The following C13orf42 variants were observed in gnomAD, a reference collection of about 807,000 sequenced individuals.
C13orf42 encodes the protein chromosome 13 open reading frame 42, also known as uncharacterized protein C13orf42.
intron 1 of C13orf42, among the ~76,000 whole-genome samples, chr13:51,143,324 T>G (rs945319426): frequency 6.6e-6 from 1 of 152,206 alleles, no homozygotes; most frequent in Non-Finnish European, 1.5e-5. Flanking sequence ...AGGGCCCATT[T>G]TGAAAGATAA....
At chr13:51,112,516 G>A (rs1050836298), upstream of C13orf42, among the ~76,000 whole-genome samples, 11 of 152,164 alleles carry the variant, frequency 7.2e-5, no homozygotes, top group Non-Finnish European at 1.5e-4. Context: ...CATTATAAAT[G>A]TTTTCCTGTT....
Position 51,130,768 on chromosome 13 carries a change from A to G in C13orf42, n.137-17546T>C, listed in dbSNP as rs549913065. 2.0e-5 allele frequency among the ~76,000 whole-genome samples: 3 copies of G among 152,260 alleles called. No homozygotes were observed. The East Asian group carries it at 5.8e-4, about 29-fold the overall frequency. The stretch of plus-strand genomic sequence containing the variant: ...TTCACCAAAAGTAAAAGTCACTAAG[A>G]GTTAACATTGTAACATATAGTTAAG... On this transcript the variant is annotated intron_variant and non_coding_transcript_variant, in intron 1 of 4. Transcript: ENST00000433280.
chr13:51,097,264 ATAGT>A (rs1232925764), intron 1 of C13orf42, among the ~76,000 whole-genome samples: 1 of 152,254 alleles, frequency 6.6e-6, no homozygotes, highest in Admixed American at 6.5e-5. Context: ...CTGTAATACT[ATAGT>A]TAGAGATAGG....
At chr13:51,116,793 G>A (rs990272047) in intron 1 of C13orf42, among the ~76,000 whole-genome samples, 14 of 152,230 alleles carry the variant, frequency 9.2e-5, no homozygotes, top group Non-Finnish European at 2.1e-4. Flanking sequence ...ATGTGCCAGT[G>A]GCACTTATGT....
At chr13:51,092,633 T>C (rs777684728) in intron 1 of C13orf42, among the ~76,000 whole-genome samples, 9 of 152,036 alleles carry the variant, frequency 5.9e-5, no homozygotes, top group East Asian at 1.9e-4. Flanking sequence ...AAAGAAATTA[T>C]ATTTTATCAT....
intron 1 of C13orf42, among the ~76,000 whole-genome samples, chr13:51,131,904 T>C (rs1953619935): frequency 6.6e-6 from 1 of 152,216 alleles, no homozygotes. Flanking sequence ...GCCCTGCTTA[T>C]TCCTATGAAG....
At chr13:51,134,793 G>A (rs1365249840) in intron 1 of C13orf42, among the ~76,000 whole-genome samples, 10 of 152,156 alleles carry the variant, frequency 6.6e-5, no homozygotes, top group Non-Finnish European at 1.5e-4. Context: ...CTTTTGTGGT[G>A]CCACCTTAAG....
intron 1 of C13orf42, among the ~76,000 whole-genome samples, chr13:51,119,981 TA>T (rs5803554): frequency 0.36 from 54,805 of 150,292 alleles, 12,013 homozygotes; most frequent in African/African-American, 0.61. Flanking sequence ...TTTTTCCTTT[TA>T]AAAAAAAAAG....
At chr13:51,127,842 T>C (rs1227405980) in intron 1 of C13orf42, among the ~76,000 whole-genome samples, 1 of 152,180 alleles carries the variant, frequency 6.6e-6, no homozygotes, top group Non-Finnish European at 1.5e-5. Context: ...AGCAACTCCA[T>C]CTTGAATAGG....
intron 1 of C13orf42, among the ~76,000 whole-genome samples, chr13:51,139,962 G>A (rs773924230): frequency 3.9e-5 from 6 of 152,132 alleles, no homozygotes; most frequent in Non-Finnish European, 7.4e-5. Context: ...CTCTCTTGGG[G>A]TCTGGATTGC....
chr13:51,153,023 A>T (rs562101380), intron 1 of C13orf42, among the ~76,000 whole-genome samples: 1 of 152,294 alleles, frequency 6.6e-6, no homozygotes, highest in East Asian at 1.9e-4. Flanking sequence ...TATACAGTGC[A>T]CTTGCCCAGC....
intron 1 of C13orf42, among the ~76,000 whole-genome samples, chr13:51,091,564 C>T (rs907846276): frequency 6.6e-6 from 1 of 152,202 alleles, no homozygotes. Context: ...CAGGGTGACT[C>T]TGTAACAGTG....
chr13:51,089,618 A>T (rs1265243461), intron 1 of C13orf42, among the ~76,000 whole-genome samples: 1 of 152,044 alleles, frequency 6.6e-6, no homozygotes, highest in East Asian at 2.0e-4. Flanking sequence ...CTCCCCAGCC[A>T]TGTGGAACTG....
At position 51,110,781 on chromosome 13, in the gene C13orf42, C is replaced by T. The variant is rs1953419248; in HGVS notation, c.414+15G>A. On this transcript the variant is annotated intron_variant, in intron 1 of 3. Coordinates refer to ENST00000563710, the MANE Select transcript of C13orf42 (RefSeq NM_001351589.3). The stretch of plus-strand genomic sequence containing the variant: ...AAAAACCCTCATCTAAATTGTACTG[C>T]TCAGCAGCACTTACCTTTATTTCTT... The T allele has an allele frequency of 7.5e-6, 3 of 398,492 alleles. No individual in the cohort carries two copies. Among genetic ancestry groups the T allele is most frequent in the South Asian group, 2.6e-4 (2 of 7,826 alleles). The allele number at this position is 398,492 out of a possible 1,614,324, so 24.7% of individuals were successfully genotyped here.
intron 1 of C13orf42, among the ~76,000 whole-genome samples, chr13:51,118,849 T>C (rs937333730): frequency 2.0e-5 from 3 of 152,046 alleles, no homozygotes; most frequent in African/African-American, 4.8e-5. Flanking sequence ...TGCCCAGGGG[T>C]ATAGTATGCC....
rs957170814 is a variant in C13orf42, at chr13:51,083,064, T to C, written c.*1087A>G. ...GATTGTGGTTTTCTTTGTTTTGTTTTGTTTTCTGTTTTTTGTCTCTCTCCC... is the reference window on the plus strand; with the variant it reads ...GATTGTGGTTTTCTTTGTTTTGTTTCGTTTTCTGTTTTTTGTCTCTCTCCC... On this transcript the variant is annotated 3_prime_UTR_variant, in exon 4 of 4. Transcript: ENST00000563710. 1 of 152,224 alleles carries C rather than the reference T, an allele frequency of 6.6e-6. No homozygotes were observed. Among genetic ancestry groups the C allele is most frequent in the African/African-American group, 2.4e-5 (1 of 41,454 alleles). The allele number at this position is 152,224 out of a possible 1,614,324, so 9.4% of individuals were successfully genotyped here.
intron 1 of C13orf42, among the ~76,000 whole-genome samples, chr13:51,165,271 C>T (rs530546933): frequency 5.9e-5 from 9 of 152,290 alleles, no homozygotes; most frequent in Non-Finnish European, 1.2e-4. Flanking sequence ...TTTCTGTTAC[C>T]CTTTTTCAGT....
chr13:51,153,899 C>T (rs762966780), intron 1 of C13orf42, among the ~76,000 whole-genome samples: 13 of 152,064 alleles, frequency 8.5e-5, no homozygotes, highest in Non-Finnish European at 1.8e-4. Flanking sequence ...TCCCAGAGTG[C>T]TGAGATTACA....
intron 1 of C13orf42, among the ~76,000 whole-genome samples, chr13:51,116,406 C>A (rs1052078721): frequency 2.0e-5 from 3 of 152,238 alleles, no homozygotes; most frequent in Non-Finnish European, 2.9e-5. Flanking sequence ...TTTAATTCTA[C>A]AAGGTGCCTG....
Sources: allele counts gnomAD v4.1 joint callset (sites outside exome capture counted in the v4.1 genomes callset), GRCh38; gene constraint gnomAD v4.1.1; transcripts MANE v1.5; gene names NCBI Gene and HGNC (gene_info 2026-07-23, HGNC 2026-07-21).